USP3: variants seen among roughly 807,000 people sequenced by gnomAD.
USP3 encodes ubiquitin carboxyl-terminal hydrolase 3.
In USP3, 20 loss-of-function variants were observed where a neutral mutation model predicts 72.3. That is an observed-to-expected ratio of 0.28 (90% confidence interval 0.19 to 0.40). The LOEUF is 0.40. Ranked by LOEUF, USP3 falls within the 10% of genes least tolerant of loss-of-function variation. The probability of loss-of-function intolerance (pLI) is 1.00; values close to 1 mark genes in which losing one functional copy is unlikely to be tolerated. For synonymous variants in USP3, 222 were observed against 225.3 expected (o/e 0.99, Z 0.13); for missense variants, 479 against 633.9 (o/e 0.76, Z 2.62).
chr15:63,541,923 T>C (rs1304018753), intron 3 of USP3: 1 of 309,372 alleles, frequency 3.2e-6, no homozygotes, highest in African/African-American at 2.3e-5. Flanking sequence ...ATTTATTTAT[T>C]TATTTTTGGT....
In USP3 at chr15:63,557,412, G is replaced by A. The variant is rs531301892; in HGVS notation, c.450+664G>A. Reference sequence around the variant, plus strand: ...CAAGTAGCTGGGATTACAGGCACACGCCACCACGCCCGGCTAACTTTTTCT... The same window carrying A: ...CAAGTAGCTGGGATTACAGGCACACACCACCACGCCCGGCTAACTTTTTCT... On this transcript the variant is annotated intron_variant, in intron 5 of 14. Transcript: ENST00000380324. Among the ~76,000 whole-genome samples the A allele has an allele frequency of 6.8e-4, 104 of 151,984 alleles. 2 individuals carry two copies. Among genetic ancestry groups the A allele is most frequent in the African/African-American group, 2.4e-3 (101 of 41,456 alleles).
At chr15:63,513,044 G>C (rs1400559065) in intron 1 of USP3, among the ~76,000 whole-genome samples, 1 of 152,194 alleles carries the variant, frequency 6.6e-6, no homozygotes, top group Non-Finnish European at 1.5e-5. Flanking sequence ...TTTATTTGGA[G>C]ACTTTGTACT....
At chr15:63,586,214 T>A (rs2067058450) in intron 11 of USP3, among the ~76,000 whole-genome samples, 1 of 152,216 alleles carries the variant, frequency 6.6e-6, no homozygotes, top group African/African-American at 2.4e-5. Flanking sequence ...CAATATTATG[T>A]TGAACAGAAG....
intron 8 of USP3, among the ~76,000 whole-genome samples, chr15:63,567,491 C>A (rs182983094): frequency 6.6e-6 from 1 of 152,034 alleles, no homozygotes; most frequent in Non-Finnish European, 1.5e-5. Flanking sequence ...GGACTACAGG[C>A]GCCTGCAACC....
intron 8 of USP3, 36 bp downstream of exon 8, chr15:63,563,044 A>G (rs1237219555): frequency 1.4e-6 from 2 of 1,409,790 alleles, no homozygotes; most frequent in Non-Finnish European, 2.0e-6. Flanking sequence ...AAACATTAAT[A>G]TTAGTGTTTA....
intron 8 of USP3, among the ~76,000 whole-genome samples, chr15:63,567,389 C>T (rs1265017698): frequency 2.7e-5 from 4 of 146,296 alleles, no homozygotes; most frequent in African/African-American, 7.6e-5. Flanking sequence ...CTCTGTTGCC[C>T]GGGCTGGAGT....
chr15:63,534,908 T>TTTTA (rs200099474), intron 2 of USP3, among the ~76,000 whole-genome samples: 18,666 of 112,484 alleles, frequency 0.17, 1,611 homozygotes, highest in African/African-American at 0.31. Flanking sequence ...AGAGTTTGCC[T>TTTTA]TTTATTTGTT....
chr15:63,530,288 T>C (rs1166051961), intron 1 of USP3, among the ~76,000 whole-genome samples: 2 of 121,908 alleles, frequency 1.6e-5, no homozygotes, highest in African/African-American at 3.1e-5. Context: ...CCTCCCTCCT[T>C]CCCTCCCTTC....
intron 1 of USP3, among the ~76,000 whole-genome samples, chr15:63,516,691 C>A (rs1189302597): frequency 6.6e-6 from 1 of 152,064 alleles, no homozygotes; most frequent in Admixed American, 6.6e-5. Flanking sequence ...TCCTCCTCCA[C>A]ATATGTCCTT....
intron 11 of USP3, among the ~76,000 whole-genome samples, chr15:63,582,525 CT>C (rs1231645505): frequency 7.9e-5 from 12 of 152,188 alleles, no homozygotes; most frequent in Non-Finnish European, 1.8e-4. Flanking sequence ...TATATTGCCT[CT>C]TTATGAATCA....
chr15:63,554,238 T>C (rs1259931910), intron 4 of USP3, among the ~76,000 whole-genome samples: 1 of 152,216 alleles, frequency 6.6e-6, no homozygotes, highest in East Asian at 1.9e-4. Flanking sequence ...AATGAACATA[T>C]TGTCCACTTT....
chr15:63,557,021 G>A (rs761237850), intron 5 of USP3: 16 of 224,408 alleles, frequency 7.1e-5, no homozygotes, highest in Non-Finnish European at 1.3e-4. Context: ...ACACTCCTTC[G>A]TCATCAGAAA....
chr15:63,575,179 T>TA (rs1486010350), intron 11 of USP3, among the ~76,000 whole-genome samples: 1 of 128,132 alleles, frequency 7.8e-6, no homozygotes, highest in African/African-American at 3.2e-5. Context: ...TTTTTTTTTT[T>TA]ACAAAACAAA....
chr15:63,562,488 A>G (rs1595751211), intron 7 of USP3, among the ~76,000 whole-genome samples: 1 of 152,138 alleles, frequency 6.6e-6, no homozygotes, highest in Non-Finnish European at 1.5e-5. Context: ...CACAGGCTGG[A>G]GTCTGGGGGT....
At chr15:63,530,097 A>G (rs1377630506) in intron 1 of USP3, among the ~76,000 whole-genome samples, 1 of 152,184 alleles carries the variant, frequency 6.6e-6, no homozygotes, top group Non-Finnish European at 1.5e-5. Context: ...TGATCATGCC[A>G]CTGCAATCCA....
rs749829925 is a variant in USP3 at position 63,593,439 on chromosome 15, G to T, written c.*2613G>T. 1 of 152,310 alleles carries T rather than the reference G, an allele frequency of 6.6e-6. No homozygotes were observed. Among genetic ancestry groups the T allele is most frequent in the African/African-American group, 2.4e-5 (1 of 41,552 alleles). The allele number at this position is 152,310 out of a possible 1,614,324, so 9.4% of individuals were successfully genotyped here. Reference sequence around the variant, plus strand: ...TCTCTGAATGGGCAGCTGTTAAACAGTAAAGGCCTGGGCAGAGTTGATGGT... The same window carrying T: ...TCTCTGAATGGGCAGCTGTTAAACATTAAAGGCCTGGGCAGAGTTGATGGT... On this transcript the variant is annotated 3_prime_UTR_variant, in exon 15 of 15. Coordinates refer to ENST00000380324, the MANE Select transcript of USP3 (RefSeq NM_006537.4).
chr15:63,575,057 A>G (rs925007482), intron 11 of USP3, among the ~76,000 whole-genome samples: 1 of 152,100 alleles, frequency 6.6e-6, no homozygotes, highest in Non-Finnish European at 1.5e-5. Flanking sequence ...GTATTTTATC[A>G]GAAACTCTAC....
chr15:63,522,085 A>C (rs2065927864), intron 1 of USP3, among the ~76,000 whole-genome samples: 4 of 152,198 alleles, frequency 2.6e-5, no homozygotes, highest in Non-Finnish European at 5.9e-5. Context: ...TATATTGCCC[A>C]GGCTGATCTG....
intron 11 of USP3, among the ~76,000 whole-genome samples, chr15:63,587,411 T>C (rs1383760329): frequency 6.6e-6 from 1 of 151,886 alleles, no homozygotes; most frequent in African/African-American, 2.4e-5. Flanking sequence ...AAAGAGTAAA[T>C]ACAGTAAGTC....
Sources: gnomAD v4.1 joint callset for allele counts (sites outside exome capture counted in the v4.1 genomes callset) on GRCh38, gnomAD v4.1.1 for gene constraint, MANE v1.5 for transcripts, NCBI Gene and HGNC (gene_info 2026-07-23, HGNC 2026-07-21) for gene names.